NXPH2: variants seen among roughly 807,000 people sequenced by gnomAD.
The protein encoded by NXPH2 is neurexophilin 2.
Under a neutral mutation model 19.8 loss-of-function variants are expected in NXPH2, and 5 were observed. The ratio of observed to expected loss-of-function variants is 0.25; its 90% CI spans 0.13 to 0.53. The LOEUF (loss-of-function observed/expected upper bound fraction) is 0.53. NXPH2 is among the 20% of genes least tolerant of loss of function. The probability of loss-of-function intolerance (pLI) is 0.96; values close to 1 mark genes in which losing one functional copy is unlikely to be tolerated. For synonymous variants in NXPH2, 154 were observed against 127.4 expected, an observed-to-expected ratio of 1.21 and a Z score of -1.41; for missense variants, 289 against 322.8, an observed-to-expected ratio of 0.90 and a Z score of 0.80.
chr2:138,754,791 G>T (rs116773438), intron 1 of NXPH2, among the ~76,000 whole-genome samples: 2,344 of 152,182 alleles, frequency 0.015, 43 homozygotes, highest in Non-Finnish European at 0.023. Flanking sequence ...TTACAGTCAA[G>T]CTACATCCCA....
intron 1 of NXPH2, among the ~76,000 whole-genome samples, chr2:138,742,678 AGC>A (rs1205336919): frequency 6.6e-6 from 1 of 152,224 alleles, no homozygotes; most frequent in East Asian, 1.9e-4. Flanking sequence ...ATCCATTCCT[AGC>A]AAGCAGGCAT....
intron 1 of NXPH2, among the ~76,000 whole-genome samples, chr2:138,681,821 A>G (rs1680583891): frequency 6.6e-6 from 1 of 152,192 alleles, no homozygotes; most frequent in South Asian, 2.1e-4. Context: ...GCTAAGTGCA[A>G]GTTTGGAAGA....
intron 1 of NXPH2, among the ~76,000 whole-genome samples, chr2:138,729,589 A>G (rs899654900): frequency 1.1e-4 from 16 of 152,222 alleles, no homozygotes; most frequent in Non-Finnish European, 1.6e-4. Context: ...TTCCTGCTGC[A>G]TTTAGAACAC....
Position 138,671,075 on chromosome 2 carries a change from C to T in NXPH2, c.642G>A (p.Glu214=). 4.3e-6 allele frequency: 7 copies of T among 1,613,952 alleles called. No individual in the cohort carries two copies. The highest frequency in any genetic ancestry group is 5.9e-6 in the Non-Finnish European group (7 of 1,179,876). ...NFDPSKICYQ[E]QTQSHVSWLC... ...ACCAAGACACATGGCTCTGAGTCTG[C>T]TCCTGGTAGCAGATCTTGGATGGGT... The change falls in exon 2 of 2, where the codon GAG becomes GAA. Residue 214 remains glutamate (E), a synonymous_variant. Transcript: ENST00000272641.
intron 1 of NXPH2, among the ~76,000 whole-genome samples, chr2:138,748,298 T>C (rs17599153): frequency 0.14 from 20,793 of 152,152 alleles, 1,672 homozygotes; most frequent in East Asian, 0.2. Flanking sequence ...TGAGGACTGC[T>C]GTAAGGCTTT....
chr2:138,681,196 TA>T (rs150953273), intron 1 of NXPH2, among the ~76,000 whole-genome samples: 8,619 of 152,276 alleles, frequency 0.057, 814 homozygotes, highest in African/African-American at 0.19. Flanking sequence ...AACTATGGAT[TA>T]AAAAGAATAC....
At chr2:138,720,157 CAG>C (rs548973544) in intron 1 of NXPH2, among the ~76,000 whole-genome samples, 61 of 145,390 alleles carry the variant, frequency 4.2e-4, no homozygotes, top group African/African-American at 1.5e-3. Flanking sequence ...GAAAAAAAAA[CAG>C]AGGCTATATG....
At position 138,678,044 on chromosome 2, in the gene NXPH2, T is replaced by G. The variant is rs192186614; in HGVS notation, c.52-6379A>C. 7.2e-5 allele frequency among the ~76,000 whole-genome samples: 11 copies of G among 152,338 alleles called. No individual in the cohort carries two copies. In the East Asian group the frequency reaches 1.7e-3, roughly 24 times the overall value. ...TTAATGTCTTTTATTTGCTCCAGCATCCTGTGCAGGATCCCACATTAAATT... is the reference window on the plus strand; with the variant it reads ...TTAATGTCTTTTATTTGCTCCAGCAGCCTGTGCAGGATCCCACATTAAATT... On this transcript the variant is annotated intron_variant, in intron 1 of 1. Coordinates refer to ENST00000272641, the MANE Select transcript of NXPH2 (RefSeq NM_007226.3).
chr2:138,742,901 T>A (rs1474807585), intron 1 of NXPH2, among the ~76,000 whole-genome samples: 1 of 152,154 alleles, frequency 6.6e-6, no homozygotes, highest in Non-Finnish European at 1.5e-5. Flanking sequence ...TGATTAAAAA[T>A]AACAACAAAT....
chr2:138,772,707 G>T (rs1306827946), intron 1 of NXPH2, among the ~76,000 whole-genome samples: 2 of 152,148 alleles, frequency 1.3e-5, no homozygotes, highest in Admixed American at 1.3e-4. Context: ...ATGAATTAAG[G>T]TTTCTAGCTC....
intron 1 of NXPH2, among the ~76,000 whole-genome samples, chr2:138,674,175 A>T (rs1480972973): frequency 6.6e-6 from 1 of 151,572 alleles, no homozygotes; most frequent in African/African-American, 2.4e-5. Flanking sequence ...TTTTTTTTTA[A>T]TACAGTCTTG....
intron 1 of NXPH2, among the ~76,000 whole-genome samples, chr2:138,763,645 T>C (rs1682049994): frequency 1.3e-5 from 2 of 152,196 alleles, no homozygotes; most frequent in South Asian, 4.1e-4. Flanking sequence ...AGTAACAGTC[T>C]ATTTTAGTAG....
At chr2:138,725,742 T>C (rs1681346111) in intron 1 of NXPH2, among the ~76,000 whole-genome samples, 2 of 152,198 alleles carry the variant, frequency 1.3e-5, no homozygotes, top group Non-Finnish European at 2.9e-5. Flanking sequence ...AATTATGTTT[T>C]CCAGCTTCAG....
chr2:138,726,976 C>T (rs999054699), intron 1 of NXPH2, among the ~76,000 whole-genome samples: 3 of 152,184 alleles, frequency 2.0e-5, no homozygotes, highest in African/African-American at 7.2e-5. Flanking sequence ...CCCCAGGCAG[C>T]CACTGATCTT....
intron 1 of NXPH2, among the ~76,000 whole-genome samples, chr2:138,704,245 T>G (rs1036413710): frequency 6.6e-6 from 1 of 152,210 alleles, no homozygotes; most frequent in Non-Finnish European, 1.5e-5. Context: ...TACTAGTAGA[T>G]ATACCATCTT....
rs10803570 is a variant in NXPH2 at position 138,671,498 on chromosome 2, G to A, written c.219C>T (p.Tyr73=). 1,132,300 of 1,613,776 alleles carry A rather than the reference G, an allele frequency of 0.7. 401,776 individuals are homozygous for A. The highest frequency in any genetic ancestry group is 0.86 in the African/African-American group (64,727 of 75,010). The part of the protein sequence containing the change: ...SPVPKPGPMA[Y]ADSMENFWDW... ...CCCAAAAGTTTTCCATGCTGTCTGC[G>A]TACGCCATGGGGCCGGGCTTGGGCA... Residue 73 remains tyrosine, a synonymous_variant, in exon 2 of 2, where the codon TAC becomes TAT. Coordinates refer to ENST00000272641, the MANE Select transcript of NXPH2 (RefSeq NM_007226.3).
intron 1 of NXPH2, among the ~76,000 whole-genome samples, chr2:138,769,316 A>G (rs1378824045): frequency 6.6e-6 from 1 of 152,130 alleles, no homozygotes; most frequent in African/African-American, 2.4e-5. Flanking sequence ...CTGAATGGTT[A>G]TTATAGGGGA....
chr2:138,771,570 G>A (rs1682177201), intron 1 of NXPH2, among the ~76,000 whole-genome samples: 1 of 152,130 alleles, frequency 6.6e-6, no homozygotes, highest in South Asian at 2.1e-4. Context: ...TAAAACAGAA[G>A]CACTTCCGGG....
chr2:138,739,355 G>A (rs1681608878), intron 1 of NXPH2, among the ~76,000 whole-genome samples: 1 of 152,164 alleles, frequency 6.6e-6, no homozygotes, highest in South Asian at 2.1e-4. Flanking sequence ...AAAATTATAA[G>A]TACACACACA....
Sources: gnomAD v4.1 joint callset for allele counts (sites outside exome capture counted in the v4.1 genomes callset) on GRCh38, gnomAD v4.1.1 for gene constraint, MANE v1.5 for transcripts, NCBI Gene and HGNC (gene_info 2026-07-23, HGNC 2026-07-21) for gene names.